The following MAGI1 variants were observed in gnomAD, a reference collection of about 807,000 sequenced individuals.
The protein encoded by MAGI1 is membrane-associated guanylate kinase, WW and PDZ domain-containing protein 1.
Under a neutral mutation model 139.9 loss-of-function variants are expected in MAGI1, and 58 were observed. That is an observed-to-expected ratio of 0.41 (90% CI 0.34 to 0.52). The LOEUF (loss-of-function observed/expected upper bound fraction) is 0.52, where lower values mean the gene tolerates loss of function less well. Among genes scored for constraint, MAGI1 ranks in the 20% least tolerant of loss-of-function variants. The probability of loss-of-function intolerance (pLI) is 0.12; values close to 1 mark genes in which losing one functional copy is unlikely to be tolerated. For missense variants in MAGI1, 1,874 were observed against 1,901.6 expected (o/e 0.99, Z 0.27); for synonymous variants, 812 against 737.9 (o/e 1.10, Z -1.63).
chr3:65,895,654 T>G (rs1440841067), intron 1 of MAGI1, among the ~76,000 whole-genome samples: 2 of 152,224 alleles, frequency 1.3e-5, no homozygotes, highest in Admixed American at 1.3e-4. Flanking sequence ...TAGTTTCATG[T>G]GCCAAGTGCA....
At chr3:65,636,648 G>A (rs1048980490) in intron 1 of MAGI1, among the ~76,000 whole-genome samples, 83 of 151,962 alleles carry the variant, frequency 5.5e-4, no homozygotes, top group African/African-American at 2.0e-3. Flanking sequence ...GAGCAAACGG[G>A]CAACCCAAAG....
At chr3:65,907,539 A>G (rs1484409639) in intron 1 of MAGI1, 1 of 152,258 alleles carries the variant, frequency 6.6e-6, no homozygotes. Flanking sequence ...GTTGGAAGTA[A>G]AACGGGCACA....
At chr3:65,462,247 T>C (rs1439597550) in intron 5 of MAGI1, among the ~76,000 whole-genome samples, 2 of 152,230 alleles carry the variant, frequency 1.3e-5, no homozygotes, top group Non-Finnish European at 2.9e-5. Context: ...TTTTTATGGT[T>C]TTAGGTCTTA....
At chr3:65,671,774 G>C (rs1301636238) in intron 1 of MAGI1, among the ~76,000 whole-genome samples, 3 of 152,066 alleles carry the variant, frequency 2.0e-5, no homozygotes, top group Non-Finnish European at 4.4e-5. Context: ...TAACAATCCA[G>C]TCTGTGAAAT....
At chr3:65,738,817 A>C (rs527675994) in intron 1 of MAGI1, among the ~76,000 whole-genome samples, 1 of 152,346 alleles carries the variant, frequency 6.6e-6, no homozygotes, top group South Asian at 2.1e-4. Flanking sequence ...TAAAATATTC[A>C]GTAAAACATG....
chr3:65,938,671 G>C (rs144622393), intron 1 of MAGI1, among the ~76,000 whole-genome samples: 1 of 152,094 alleles, frequency 6.6e-6, no homozygotes, highest in Admixed American at 6.6e-5. Context: ...AAGATTTCTC[G>C]TAATAAACCT....
intron 2 of MAGI1, among the ~76,000 whole-genome samples, chr3:65,612,688 C>G (rs957090095): frequency 6.6e-6 from 1 of 152,094 alleles, no homozygotes; most frequent in South Asian, 2.1e-4. Context: ...TACACACAAT[C>G]CACTATAGAA....
chr3:65,925,694 T>G (rs1440499935), intron 1 of MAGI1, among the ~76,000 whole-genome samples: 1 of 152,164 alleles, frequency 6.6e-6, no homozygotes, highest in East Asian at 1.9e-4. Context: ...ACTAACTTTT[T>G]TTTTAGACAG....
rs543711121 is a variant in MAGI1 at position 65,461,678 on chromosome 3, T to C, written c.960-8338A>G. Among the ~76,000 whole-genome samples the C allele has an allele frequency of 1.6e-3, 240 of 151,878 alleles. 1 individual carries two copies. Among genetic ancestry groups the C allele is most frequent in the African/African-American group, 5.4e-3 (223 of 41,460 alleles). On this transcript the variant is annotated intron_variant, in intron 5 of 22. Transcript: ENST00000402939. ...TAATTTTCTGTATTTTTAGTACAGA[T>C]GGGGTTTCACCGTATTAGCCAGGAT...
intron 1 of MAGI1, among the ~76,000 whole-genome samples, chr3:65,797,528 G>A (rs2040227092): frequency 6.6e-6 from 1 of 152,096 alleles, no homozygotes; most frequent in Admixed American, 6.6e-5. Context: ...TTCGAGACCA[G>A]CCTGGGCAAC....
intron 2 of MAGI1, among the ~76,000 whole-genome samples, chr3:65,545,647 A>C (rs926794018): frequency 2.0e-5 from 3 of 152,172 alleles, no homozygotes; most frequent in African/African-American, 7.2e-5. Flanking sequence ...GTTCCTAAGA[A>C]GGACCAAGCT....
At chr3:65,637,614 A>AAGAG (rs2084717607) in intron 1 of MAGI1, among the ~76,000 whole-genome samples, 1 of 146,844 alleles carries the variant, frequency 6.8e-6, no homozygotes, top group Admixed American at 6.9e-5. Context: ...GAAAGAAAGA[A>AAGAG]AGAAAATTGC....
rs1049938499 is a variant in MAGI1 at position 65,756,070 on chromosome 3, C to T, written c.314-133982G>A. The stretch of plus-strand genomic sequence containing the variant: ...TTTTCTATAACTGGGAACAACTACA[C>T]AATGTTCGTGAAGTTAAAAATTATC... On this transcript the variant is annotated intron_variant, in intron 1 of 22. Transcript: ENST00000402939. Among the ~76,000 whole-genome samples the T allele has an allele frequency of 2.0e-5, 3 of 152,262 alleles. No individual in the cohort carries two copies. In the South Asian group the frequency reaches 6.2e-4, roughly 32 times the overall value.
At chr3:65,922,319 G>C (rs2108742883) in intron 1 of MAGI1, among the ~76,000 whole-genome samples, 1 of 152,274 alleles carries the variant, frequency 6.6e-6, no homozygotes, top group African/African-American at 2.4e-5. Context: ...ACCCTATTTA[G>C]AAATAGGACC....
At chr3:65,679,355 C>A (rs538146921) in intron 1 of MAGI1, among the ~76,000 whole-genome samples, 50 of 152,220 alleles carry the variant, frequency 3.3e-4, no homozygotes, top group African/African-American at 1.2e-3. Context: ...CCTAAGGATT[C>A]TTTGATAAAT....
At position 65,819,466 on chromosome 3, in the gene MAGI1, T is replaced by C. The variant is rs373852064; in HGVS notation, c.314-197378A>G. ...CTAGTGACCAATGTATACAAGTGAATAACAGCAGGACAGTTAGGGCTAGAG... is the reference window on the plus strand; with the variant it reads ...CTAGTGACCAATGTATACAAGTGAACAACAGCAGGACAGTTAGGGCTAGAG... On this transcript the variant is annotated intron_variant, in intron 1 of 22. Coordinates refer to ENST00000402939, the MANE Select transcript of MAGI1 (RefSeq NM_001033057.2). 1.4e-4 allele frequency among the ~76,000 whole-genome samples: 21 copies of C among 152,254 alleles called. No individual in the cohort carries two copies. The East Asian group carries it at 3.3e-3, about 24-fold the overall frequency.
intron 1 of MAGI1, among the ~76,000 whole-genome samples, chr3:65,900,147 G>C (rs1325426689): frequency 6.6e-6 from 1 of 151,986 alleles, no homozygotes; most frequent in Non-Finnish European, 1.5e-5. Flanking sequence ...ACAAGAGATA[G>C]GCAGTATACA....
At chr3:65,465,585 T>G (rs769665107) in intron 5 of MAGI1, among the ~76,000 whole-genome samples, 2 of 152,192 alleles carry the variant, frequency 1.3e-5, no homozygotes, top group Non-Finnish European at 2.9e-5. Context: ...CTTTGTTGTT[T>G]CTGATGACAA....
intron 2 of MAGI1, among the ~76,000 whole-genome samples, chr3:65,576,243 T>C (rs1054203905): frequency 6.6e-6 from 1 of 152,222 alleles, no homozygotes; most frequent in Non-Finnish European, 1.5e-5. Flanking sequence ...AAGTAACACG[T>C]ATTAATAACC....
Sources: allele counts gnomAD v4.1 joint callset (sites outside exome capture counted in the v4.1 genomes callset), GRCh38; gene constraint gnomAD v4.1.1; transcripts MANE v1.5; gene names NCBI Gene and HGNC (gene_info 2026-07-23, HGNC 2026-07-21).